NEK7: variants seen among roughly 807,000 people sequenced by gnomAD.
NEK7 encodes serine/threonine-protein kinase Nek7.
A neutral mutation model predicts 44.6 loss-of-function variants in NEK7; 18 were observed. The observed-to-expected ratio is 0.40, with a 90% CI of 0.28 to 0.60. The LOEUF (loss-of-function observed/expected upper bound fraction) is 0.60. NEK7 is among the 20% of genes least tolerant of loss of function. The pLI is 0.38. For missense variants in NEK7, 256 were observed against 366.5 expected, an observed-to-expected ratio of 0.70 and a Z score of 2.46; for synonymous variants, 130 against 121.1, an observed-to-expected ratio of 1.07 and a Z score of -0.48.
intron 2 of NEK7, among the ~76,000 whole-genome samples, chr1:198,249,140 G>T (rs1287096177): frequency 6.7e-6 from 1 of 148,944 alleles, no homozygotes; most frequent in African/African-American, 2.5e-5. Flanking sequence ...AATATGCGGT[G>T]TTTGGTTTTT....
intron 5 of NEK7, among the ~76,000 whole-genome samples, chr1:198,276,293 T>C (rs193004903): frequency 0.01 from 1,557 of 151,830 alleles, 9 homozygotes; most frequent in Non-Finnish European, 0.018. Flanking sequence ...TATTAAAGCA[T>C]AAAAATTTGT....
chr1:198,240,821 G>T (rs1408135872), intron 2 of NEK7, among the ~76,000 whole-genome samples: 1 of 152,086 alleles, frequency 6.6e-6, no homozygotes, highest in Non-Finnish European at 1.5e-5. Flanking sequence ...TCAGCCTCCT[G>T]AGTAGCTGGG....
chr1:198,254,223 C>T lies in NEK7; in HGVS notation c.198+1043C>T, dbSNP rs556055156. Among the ~76,000 whole-genome samples, 9 of 152,108 alleles carry T rather than the reference C, an allele frequency of 5.9e-5. No individual in the cohort carries two copies. The East Asian group carries it at 1.2e-3, about 20-fold the overall frequency. On this transcript the variant is annotated intron_variant, in intron 3 of 9. Transcript: ENST00000367385. ...AGATGTAAACAATAATAGAGATACC[C>T]GCATATCCACAAGGCAGCTTAAGAA... is the stretch of plus-strand genomic sequence containing the variant.
At chr1:198,258,924 G>T (rs1262456793) in intron 3 of NEK7, among the ~76,000 whole-genome samples, 1 of 152,130 alleles carries the variant, frequency 6.6e-6, no homozygotes, top group African/African-American at 2.4e-5. Flanking sequence ...TTGAATCTGT[G>T]TTTGGGAATG....
intron 7 of NEK7, among the ~76,000 whole-genome samples, chr1:198,290,701 TTTG>T (rs1478926821): frequency 2.0e-5 from 3 of 152,176 alleles, no homozygotes; most frequent in African/African-American, 7.2e-5. Flanking sequence ...CTGTTGGAAA[TTTG>T]TTGATCAAAG....
At chr1:198,229,228 A>G (rs972007415) in intron 1 of NEK7, among the ~76,000 whole-genome samples, 2 of 152,150 alleles carry the variant, frequency 1.3e-5, no homozygotes, top group African/African-American at 4.8e-5. Context: ...GTGCTTCTGG[A>G]TAGCTGAACA....
At chr1:198,193,492 C>A (rs1225346597) in intron 1 of NEK7, among the ~76,000 whole-genome samples, 1 of 151,996 alleles carries the variant, frequency 6.6e-6, no homozygotes, top group African/African-American at 2.4e-5. Flanking sequence ...CAAAACCTGG[C>A]ATAAATAAAA....
intron 1 of NEK7, among the ~76,000 whole-genome samples, chr1:198,227,270 G>A (rs952595989): frequency 2.0e-5 from 3 of 152,146 alleles, no homozygotes; most frequent in Non-Finnish European, 2.9e-5. Flanking sequence ...GTCTATCATT[G>A]TTGGGCATTT....
At chr1:198,269,396 A>G (rs1034126116) in intron 5 of NEK7, among the ~76,000 whole-genome samples, 8 of 152,064 alleles carry the variant, frequency 5.3e-5, no homozygotes, top group African/African-American at 1.7e-4. Flanking sequence ...AAGAAATTCT[A>G]AAATTGTTTT....
At chr1:198,204,868 AG>A (rs1414345449) in intron 1 of NEK7, among the ~76,000 whole-genome samples, 10 of 152,166 alleles carry the variant, frequency 6.6e-5, no homozygotes, top group African/African-American at 2.4e-4. Flanking sequence ...TTTAAAAAAA[AG>A]GAATGGGGAG....
intron 1 of NEK7, among the ~76,000 whole-genome samples, chr1:198,231,301 G>GTATATATATATATATATATA (rs749263549): frequency 2.3e-5 from 2 of 86,936 alleles, no homozygotes; most frequent in African/African-American, 5.0e-5. Flanking sequence ...ATGTGTGTGT[G>GTATATATATATATATATATA]TATATATATA....
rs142029882 is a variant in NEK7 at position 198,211,495 on chromosome 1, A to G, written c.-28-21058A>G. 2.6e-5 allele frequency among the ~76,000 whole-genome samples: 4 copies of G among 152,338 alleles called. No homozygotes were observed. In the East Asian group the frequency reaches 7.7e-4, roughly 29 times the overall value. ...TCTGATTTGTGATGTGTGTGTACAC[A>G]TGTGCTTACTTTTCATTATTTTGAG... On this transcript the variant is annotated intron_variant, in intron 1 of 9. Coordinates refer to ENST00000367385, the MANE Select transcript of NEK7 (RefSeq NM_133494.3).
intron 1 of NEK7, among the ~76,000 whole-genome samples, chr1:198,179,812 TG>T (rs1664707887): frequency 7.5e-6 from 1 of 133,280 alleles, no homozygotes; most frequent in Non-Finnish European, 1.7e-5. Context: ...TGTGTGTGTG[TG>T]TATGTATGTG....
intron 1 of NEK7, among the ~76,000 whole-genome samples, chr1:198,194,429 G>A (rs2102774790): frequency 6.6e-6 from 1 of 150,990 alleles, no homozygotes; most frequent in South Asian, 2.1e-4. Flanking sequence ...TATTTTTTCT[G>A]ATTCTCTCCC....
At chr1:198,234,150 A>G (rs573666323) in intron 2 of NEK7, among the ~76,000 whole-genome samples, 1 of 152,268 alleles carries the variant, frequency 6.6e-6, no homozygotes, top group African/African-American at 2.4e-5. Context: ...CTCAATAAGA[A>G]TATGTAATTG....
intron 1 of NEK7, chr1:198,206,808 A>T (rs946471681): frequency 2.0e-5 from 3 of 152,086 alleles, no homozygotes; most frequent in Middle Eastern, 3.2e-3. Context: ...TATGTTATGC[A>T]TTTTTCAGTA....
At chr1:198,182,215 T>C (rs1405929507) in intron 1 of NEK7, among the ~76,000 whole-genome samples, 1 of 152,158 alleles carries the variant, frequency 6.6e-6, no homozygotes, top group East Asian at 1.9e-4. Flanking sequence ...ATGTGGATAA[T>C]GATGGTCAGC....
At position 198,253,131 on chromosome 1, in the gene NEK7, G is replaced by A; in HGVS notation, c.149G>A (p.Arg50Lys). The change falls in exon 3 of 10, where the codon AGA (arginine) becomes AAA (lysine). Residue 50 changes from arginine to lysine, a missense_variant. Physicochemically the swap from Arg to Lys is conservative, Grantham distance 26 (BLOSUM62 2). Coordinates refer to ENST00000367385, the MANE Select transcript of NEK7 (RefSeq NM_133494.3). ...CGCGGACAATTTAGTGAAGTTTATA[G>A]AGCAGCCTGTCTCTTGGATGGAGTA... ...IGRGQFSEVY[R>K]AACLLDGVPV... 3 of 1,612,142 alleles carry A rather than the reference G, an allele frequency of 1.9e-6. No individual in the cohort carries two copies. Among genetic ancestry groups the A allele is most frequent in the Non-Finnish European group, 2.5e-6 (3 of 1,178,550 alleles).
At chr1:198,287,293 A>C (rs1050035678) in intron 7 of NEK7, among the ~76,000 whole-genome samples, 1 of 152,086 alleles carries the variant, frequency 6.6e-6, no homozygotes, top group East Asian at 1.9e-4. Flanking sequence ...CATCCTGGCT[A>C]ACACGGTGAA....
Sources: gnomAD v4.1 joint callset for allele counts (sites outside exome capture counted in the v4.1 genomes callset) on GRCh38, gnomAD v4.1.1 for gene constraint, MANE v1.5 for transcripts, NCBI Gene and HGNC (gene_info 2026-07-23, HGNC 2026-07-21) for gene names.